The following DBF4B variants were observed in gnomAD, a reference collection of about 807,000 sequenced individuals.
DBF4B encodes DBF4B-CDC7 kinase regulatory subunit, also known as protein DBF4 homolog B.
DBF4B carries 49 observed loss-of-function variants against 53.4 expected under a neutral mutation model. The observed-to-expected ratio is 0.92, with a 90% CI of 0.73 to 1.16. The LOEUF (loss-of-function observed/expected upper bound fraction) is 1.16, where lower values mean the gene tolerates loss of function less well. Ranked by LOEUF, DBF4B falls within the 50% of genes most tolerant of loss-of-function variation. DBF4B has a pLI of 0.00. For missense variants in DBF4B, 692 were observed against 775.0 expected, an observed-to-expected ratio of 0.89 and a Z score of 1.27; for synonymous variants, 257 against 288.7, an observed-to-expected ratio of 0.89 and a Z score of 1.11.
Position 44,734,182 on chromosome 17 carries a change from C to G in DBF4B, c.630+19C>G, listed in dbSNP as rs1975125249. The G allele has an allele frequency of 1.2e-6, 2 of 1,614,012 alleles. No homozygotes were observed. The highest frequency in any genetic ancestry group is 8.5e-7 in the Non-Finnish European group (1 of 1,180,018). ...GCCAGAGGTAGGTCATCCTGCTGAA[C>G]TGAAGGACAAATGGATGGTTTTCAA... On this transcript the variant is annotated intron_variant, in intron 7 of 13. Coordinates refer to ENST00000315005, the MANE Select transcript of DBF4B (RefSeq NM_145663.3).
At chr17:44,716,689 A>G (rs1488389164) in intron 2 of DBF4B, among the ~76,000 whole-genome samples, 4 of 152,218 alleles carry the variant, frequency 2.6e-5, no homozygotes, top group African/African-American at 9.6e-5. Context: ...CTGAGGGGAA[A>G]AATCTCCCCA....
chr17:44,709,860 C>A (rs919645951), intron 2 of DBF4B, among the ~76,000 whole-genome samples: 4 of 151,628 alleles, frequency 2.6e-5, no homozygotes, highest in African/African-American at 9.7e-5. Context: ...CACTTCCCTC[C>A]GTACTGCCCC....
chr17:44,721,454 A>G (rs1215976290), intron 2 of DBF4B, among the ~76,000 whole-genome samples: 1 of 152,072 alleles, frequency 6.6e-6, no homozygotes, highest in Non-Finnish European at 1.5e-5. Context: ...CCTGGCCTCA[A>G]GTAATGTGCC....
intron 1 of DBF4B, 107 bp downstream of exon 1, chr17:44,708,946 C>A: frequency 6.8e-7 from 1 of 1,468,982 alleles, no homozygotes; most frequent in Non-Finnish European, 9.2e-7. Flanking sequence ...CGGGTAGGTG[C>A]CGAAGCTGAG....
intron 2 of DBF4B, among the ~76,000 whole-genome samples, chr17:44,720,985 C>G (rs1176274489): frequency 6.6e-6 from 1 of 152,096 alleles, no homozygotes; most frequent in Non-Finnish European, 1.5e-5. Context: ...CCTGCCTCAG[C>G]CTCCCGAGTA....
intron 13 of DBF4B, 21 bp from the exon 14 acceptor site, chr17:44,750,574 G>A (rs376436941): frequency 1.9e-5 from 30 of 1,581,358 alleles, no homozygotes; most frequent in Admixed American, 1.7e-5. Context: ...GCCATATGTC[G>A]GTCCTTGATC....
rs931349932 is a variant in DBF4B, at chr17:44,746,691, C to A, written c.831-392C>A. Among the ~76,000 whole-genome samples the A allele has an allele frequency of 3.0e-3, 448 of 151,562 alleles. 2 individuals carry two copies. Among genetic ancestry groups the A allele is most frequent in the African/African-American group, 0.01 (434 of 41,334 alleles). On this transcript the variant is annotated intron_variant, in intron 10 of 13. Coordinates refer to ENST00000315005, the MANE Select transcript of DBF4B (RefSeq NM_145663.3). Reference sequence around the variant, plus strand: ...AAAATGAGTTGAGCATTGTGGCGGGCGCCTGTAATCCCAGCTACTCTGGAG... The same window carrying A: ...AAAATGAGTTGAGCATTGTGGCGGGAGCCTGTAATCCCAGCTACTCTGGAG...
At chr17:44,729,149 C>G (rs1289401505) in intron 3 of DBF4B, among the ~76,000 whole-genome samples, 2 of 151,282 alleles carry the variant, frequency 1.3e-5, no homozygotes, top group East Asian at 3.9e-4. Flanking sequence ...CAATTCATAA[C>G]TAATTTTTTT....
At chr17:44,727,084 G>A (rs1241535281) in intron 3 of DBF4B, among the ~76,000 whole-genome samples, 1 of 90,392 alleles carries the variant, frequency 1.1e-5, no homozygotes, top group Non-Finnish European at 2.0e-5. Flanking sequence ...GGGCAACAAA[G>A]CAAGACTCCA....
intron 13 of DBF4B, chr17:44,748,700 A>G: frequency 4.2e-6 from 6 of 1,417,638 alleles, no homozygotes; most frequent in South Asian, 2.4e-5. Context: ...TTTGGCCACA[A>G]GCGGAAGGTT....
intron 3 of DBF4B, among the ~76,000 whole-genome samples, chr17:44,723,705 G>A (rs1216353685): frequency 1.3e-5 from 2 of 151,892 alleles, no homozygotes; most frequent in East Asian, 3.9e-4. Context: ...TTTGCAGTAA[G>A]CCGAGATTGT....
intron 7 of DBF4B, 103 bp from the exon 8 acceptor site, chr17:44,736,727 G>A (rs1975478612): frequency 1.5e-6 from 2 of 1,314,684 alleles, no homozygotes; most frequent in Non-Finnish European, 2.2e-6. Context: ...TCAACAGCAG[G>A]AAGCAAAGTG....
chr17:44,751,589 C>T lies in DBF4B; in HGVS notation c.*336C>T, dbSNP rs2049278670. Reference sequence around the variant, plus strand: ...CACCTTTCCCCTCTGCCCCAAAATGCCATGCTCCTCTCCTGGAAAACACTT... The same window carrying T: ...CACCTTTCCCCTCTGCCCCAAAATGTCATGCTCCTCTCCTGGAAAACACTT... On this transcript the variant is annotated 3_prime_UTR_variant, in exon 14 of 14. Transcript: ENST00000315005. 3.0e-6 allele frequency: 4 copies of T among 1,342,996 alleles called. No individual in the cohort carries two copies. Among genetic ancestry groups the T allele is most frequent in the East Asian group, 5.9e-5 (2 of 33,704 alleles). 83.2% of individuals were successfully genotyped at this position (1,342,996 alleles called of 1,614,324 possible).
chr17:44,711,409 C>T (rs186512838), intron 2 of DBF4B, among the ~76,000 whole-genome samples: 2 of 152,236 alleles, frequency 1.3e-5, no homozygotes, highest in Non-Finnish European at 2.9e-5. Context: ...GCCCTGGGTG[C>T]AAGCAATTCT....
intron 10 of DBF4B, 139 bp from the exon 11 acceptor site, chr17:44,746,944 C>T (rs1001975938): frequency 6.9e-6 from 5 of 726,086 alleles, no homozygotes; most frequent in Non-Finnish European, 1.2e-5. Context: ...CAGGGAAGGC[C>T]TGCCTGCCGG....
chr17:44,752,259 C>G lies in DBF4B; in HGVS notation c.*1006C>G, dbSNP rs58840071. 65,067 of 420,766 alleles carry G rather than the reference C, an allele frequency of 0.15. 5,605 individuals carry two copies. The highest frequency in any genetic ancestry group is 0.26 in the South Asian group (9,661 of 36,830). The allele number at this position is 420,766 out of a possible 1,614,324, so 26.1% of individuals were successfully genotyped here. A position where few individuals can be genotyped will look rare whatever the true frequency, so the allele number is the denominator to read the frequency against. ...CCTTTCCAATAATAAAATACTGTGA[C>G]TGCCAGCAAATCTTTTATGTCTTTC... On this transcript the variant is annotated 3_prime_UTR_variant, in exon 14 of 14. Transcript: ENST00000315005.
chr17:44,751,372 C>T lies in DBF4B; in HGVS notation c.*119C>T. 6.9e-7 allele frequency: 1 copy of T among 1,448,878 alleles called. No homozygotes were observed. Among genetic ancestry groups the T allele is most frequent in the Non-Finnish European group, 9.0e-7 (1 of 1,105,876 alleles). 89.8% of individuals were successfully genotyped at this position (1,448,878 alleles called of 1,614,324 possible). A position where few individuals can be genotyped will look rare whatever the true frequency, so the allele number is the denominator to read the frequency against. On this transcript the variant is annotated 3_prime_UTR_variant, in exon 14 of 14. Coordinates refer to ENST00000315005, the MANE Select transcript of DBF4B (RefSeq NM_145663.3). Reference sequence around the variant, plus strand: ...GCTCAGACTCCTTTCCACTCCAGCCCCCTTTCCACATCGCACCAGATGACT... The same window carrying T: ...GCTCAGACTCCTTTCCACTCCAGCCTCCTTTCCACATCGCACCAGATGACT...
At chr17:44,731,209 G>A (rs1275094564) in intron 5 of DBF4B, 194 bp downstream of exon 5, 2 of 604,140 alleles carry the variant, frequency 3.3e-6, no homozygotes, top group Non-Finnish European at 5.8e-6. Context: ...TAGAGAGTAA[G>A]TGTTGAAGCC....
At position 44,736,748 on chromosome 17, in the gene DBF4B, G is replaced by A. The variant is rs1465748700; in HGVS notation, c.631-82G>A. The A allele has an allele frequency of 2.7e-6, 4 of 1,494,120 alleles. No individual in the cohort carries two copies. In the East Asian group the frequency reaches 6.8e-5, roughly 25 times the overall value. The allele number at this position is 1,494,120 out of a possible 1,614,324, so 92.6% of individuals were successfully genotyped here. A position where few individuals can be genotyped will look rare whatever the true frequency, so the allele number is the denominator to read the frequency against. ...GCAGGAAGCAAAGTGGGACAGACTG[G>A]CAGCCACTTGGCTTATCAGGCCCAG... On this transcript the variant is annotated intron_variant, in intron 7 of 13. Transcript: ENST00000315005.
Sources: allele counts gnomAD v4.1 joint callset (sites outside exome capture counted in the v4.1 genomes callset), GRCh38; gene constraint gnomAD v4.1.1; transcripts MANE v1.5; gene names NCBI Gene and HGNC (gene_info 2026-07-23, HGNC 2026-07-21).